The following EIF2AK1 variants were observed in gnomAD, a reference collection of about 807,000 sequenced individuals.
EIF2AK1 encodes eukaryotic translation initiation factor 2 alpha kinase 1.
A neutral mutation model predicts 77.9 loss-of-function variants in EIF2AK1; 54 were observed. That is an observed-to-expected ratio of 0.69 (90% CI 0.56 to 0.87). EIF2AK1 has a LOEUF of 0.87. Ranked by LOEUF, EIF2AK1 falls within the 40% of genes least tolerant of loss-of-function variation. The pLI, the probability that EIF2AK1 is intolerant of heterozygous loss-of-function variation, is 0.00. For synonymous variants in EIF2AK1, 314 were observed against 290.5 expected (o/e 1.08, Z -0.82); for missense variants, 810 against 768.6 (o/e 1.05, Z -0.64).
chr7:6,023,613 G>A lies in EIF2AK1; in HGVS notation c.*1060C>T. 3 of 1,614,218 alleles carry A rather than the reference G, an allele frequency of 1.9e-6. No individual in the cohort carries two copies. Among genetic ancestry groups the A allele is most frequent in the Non-Finnish European group, 2.5e-6 (3 of 1,180,036 alleles). ...AGATCGGAGGCTGCAGTGTGACAGT[G>A]CCAGCCAATGTGCAGAGGTGGATGA... On this transcript the variant is annotated 3_prime_UTR_variant, in exon 15 of 15. Coordinates refer to ENST00000199389, the MANE Select transcript of EIF2AK1 (RefSeq NM_014413.4).
chr7:6,044,907 T>C (rs1583491786), intron 6 of EIF2AK1, among the ~76,000 whole-genome samples: 1 of 152,172 alleles, frequency 6.6e-6, no homozygotes, highest in African/African-American at 2.4e-5. Flanking sequence ...TATTGAGTAA[T>C]GTAAGTGTTC....
At chr7:6,039,642 A>AAT (rs1562749586) in intron 9 of EIF2AK1, among the ~76,000 whole-genome samples, 2 of 146,942 alleles carry the variant, frequency 1.4e-5, no homozygotes, top group Non-Finnish European at 3.0e-5. Context: ...AAAAAAAAAA[A>AAT]GCACAGGCTT....
chr7:6,049,922 C>T lies in EIF2AK1; in HGVS notation c.401G>A (p.Arg134Lys), dbSNP rs55744865. The change falls in exon 3 of 15, where the codon AGA (arginine) becomes AAA (lysine). Residue 134 changes from arginine to lysine, a missense_variant. Transcript: ENST00000199389. ...TTTTTTAGGGCTTACCTGACGAACT[C>T]TCTCTTTAGCAGACCTCATTAAGTG... ...ITHLMRSAKE[R>K]VRQDPCEDIS... is the part of the protein sequence containing the mutation. 1,886 of 1,609,178 alleles carry T rather than the reference C, an allele frequency of 1.2e-3. 21 individuals are homozygous for T. In the African/African-American group the frequency reaches 0.023, roughly 19 times the overall value.
intron 12 of EIF2AK1, 77 bp from the exon 13 acceptor site, chr7:6,028,774 A>G (rs1325468653): frequency 3.4e-6 from 5 of 1,468,068 alleles, no homozygotes; most frequent in Non-Finnish European, 4.7e-6. Context: ...ATGAGGAAGC[A>G]GTGTAGCTCC....
intron 11 of EIF2AK1, 64 bp downstream of exon 11, chr7:6,037,360 A>G (rs1451413065): frequency 1.9e-6 from 2 of 1,040,512 alleles, no homozygotes; most frequent in African/African-American, 1.6e-5. Flanking sequence ...TTAATCAACC[A>G]ACATCAAGTC....
chr7:6,047,413 GCCTGTAAT>G (rs1308709649), intron 4 of EIF2AK1, among the ~76,000 whole-genome samples: 1 of 152,102 alleles, frequency 6.6e-6, no homozygotes, highest in Non-Finnish European at 1.5e-5. Context: ...GGTGGCTCAC[GCCTGTAAT>G]CCCAGCACTT....
chr7:6,056,827 G>A (rs1489575145), intron 1 of EIF2AK1, among the ~76,000 whole-genome samples: 1 of 151,300 alleles, frequency 6.6e-6, no homozygotes, highest in Non-Finnish European at 1.5e-5. Flanking sequence ...GTTTACAGCA[G>A]GGACTTTTCC....
At chr7:6,049,687 C>T in intron 3 of EIF2AK1, 1 of 385,746 alleles carries the variant, frequency 2.6e-6, no homozygotes, top group East Asian at 5.2e-5. Flanking sequence ...AGTGCAGTGG[C>T]ACAACCATGG....
rs34743814 is a variant in EIF2AK1, at chr7:6,041,222, G to GA, written c.792-4dup. Reference sequence around the variant, plus strand: ...CATTTTTAACACCACATTGCTCTCTGAAAAAAAAAAAAATAGTAAACATAA... The same window carrying GA: ...CATTTTTAACACCACATTGCTCTCTGAAAAAAAAAAAAAATAGTAAACATAA... On this transcript the variant is annotated splice_region_variant and splice_polypyrimidine_tract_variant and intron_variant, in intron 8 of 14. Transcript: ENST00000199389. 6,370 of 1,359,244 alleles carry GA rather than the reference G, an allele frequency of 4.7e-3. No individual in the cohort carries two copies. Among genetic ancestry groups the GA allele is most frequent in the Non-Finnish European group, 5.2e-3 (5,198 of 997,318 alleles). 84.2% of individuals were successfully genotyped at this position (1,359,244 alleles called of 1,614,324 possible).
rs778159560 is a variant in EIF2AK1, at chr7:6,023,286, G to C, written c.*1387C>G. 6.4e-7 allele frequency: 1 copy of C among 1,573,498 alleles called. No individual in the cohort carries two copies. Among genetic ancestry groups the C allele is most frequent in the African/African-American group, 1.4e-5 (1 of 73,742 alleles). On this transcript the variant is annotated 3_prime_UTR_variant, in exon 15 of 15. Coordinates refer to ENST00000199389, the MANE Select transcript of EIF2AK1 (RefSeq NM_014413.4). The stretch of plus-strand genomic sequence containing the variant: ...GGCTGCTCTGGTGATGCTACCTGGC[G>C]TGTTTTTTCTTTTCAGTGCCGAAGA...
At chr7:6,057,833 A>G (rs1408900329) in intron 1 of EIF2AK1, among the ~76,000 whole-genome samples, 2 of 152,012 alleles carry the variant, frequency 1.3e-5, no homozygotes, top group Non-Finnish European at 2.9e-5. Flanking sequence ...TTTCACCATG[A>G]TGACCAGGCT....
intron 1 of EIF2AK1, among the ~76,000 whole-genome samples, chr7:6,057,345 G>C (rs1262062899): frequency 2.6e-5 from 4 of 151,790 alleles, no homozygotes; most frequent in Non-Finnish European, 5.9e-5. Context: ...AACTCGGTTT[G>C]CACCTTTATT....
chr7:6,033,696 A>C lies in EIF2AK1; in HGVS notation c.1332+3728T>G, dbSNP rs1020149062. Among the ~76,000 whole-genome samples the C allele has an allele frequency of 1.3e-5, 2 of 151,684 alleles. No homozygotes were observed. Among genetic ancestry groups the C allele is most frequent in the Non-Finnish European group, 3.0e-5 (2 of 67,790 alleles). On this transcript the variant is annotated intron_variant, in intron 11 of 14. Transcript: ENST00000199389. The surrounding 1 kb of genome is among the most constrained non-coding windows in gnomAD (Gnocchi z 4.4). ...GCCATTCTCCTGCCTCAGCCTCCCA[A>C]GTAGCTGGGACTACAGGCGCCTGCC...
At position 6,027,812 on chromosome 7, in the gene EIF2AK1, C is replaced by T; in HGVS notation, c.1530+803G>A. 2.9e-6 allele frequency: 1 copy of T among 339,030 alleles called. No homozygotes were observed. Among genetic ancestry groups the T allele is most frequent in the Non-Finnish European group, 5.8e-6 (1 of 171,370 alleles). The allele number at this position is 339,030 out of a possible 1,614,324, so 21.0% of individuals were successfully genotyped here. ...CAGGCGCAGAGGTTCATGCCTTAAT[C>T]CCAGCACTTTGGGAGGCCAAGGGAG... is the stretch of plus-strand genomic sequence containing the variant. On this transcript the variant is annotated intron_variant, in intron 13 of 14. Coordinates refer to ENST00000199389, the MANE Select transcript of EIF2AK1 (RefSeq NM_014413.4). The surrounding 1 kb of genome is among the most constrained non-coding windows in gnomAD (Gnocchi z 4.5).
chr7:6,048,820 T>C lies in EIF2AK1; in HGVS notation c.436A>G (p.Ile146Val), dbSNP rs147293151. Residue 146 changes from isoleucine (I) to valine (V), a missense_variant, in exon 4 of 15, where the codon ATC becomes GTC. Around this residue, in one of 3 missense-constraint regions of EIF2AK1, gnomAD observed 246 missense variants for 199.0 expected, o/e 1.24. Coordinates refer to ENST00000199389, the MANE Select transcript of EIF2AK1 (RefSeq NM_014413.4). ...TTTCACACATACCTGATTTTCTGGA[T>C]ACGAGAAATATCCTCACAAGGATCC... ...RQDPCEDISR[I>V]QKIRSREVAL... The C allele has an allele frequency of 1.3e-4, 209 of 1,586,224 alleles. No homozygotes were observed. The African/African-American group carries it at 2.6e-3, about 20-fold the overall frequency.
chr7:6,056,613 A>AATATATATTATATATATAT (rs1788777406), intron 1 of EIF2AK1, among the ~76,000 whole-genome samples: 4 of 43,738 alleles, frequency 9.1e-5, no homozygotes, highest in Middle Eastern at 0.015. Flanking sequence ...AAAAAAAAAA[A>AATATATATTATATATATAT]ATATATATAT....
chr7:6,032,949 C>A lies in EIF2AK1; in HGVS notation c.1333-3917G>T, dbSNP rs917753448. ...ACCCAGAAGTCAGGTAAGTTAACTC[C>A]ACCGAAAATCATTTCTTTTTTTTTC... On this transcript the variant is annotated intron_variant, in intron 11 of 14. Coordinates refer to ENST00000199389, the MANE Select transcript of EIF2AK1 (RefSeq NM_014413.4). The surrounding 1 kb of genome is among the most constrained non-coding windows in gnomAD (Gnocchi z 4.3). 1 of 1,541,216 alleles carries A rather than the reference C, an allele frequency of 6.5e-7. No individual in the cohort carries two copies. Among genetic ancestry groups the A allele is most frequent in the Admixed American group, 2.0e-5 (1 of 50,798 alleles).
At chr7:6,050,082 T>C (rs752569565) in intron 2 of EIF2AK1, 37 bp from the exon 3 acceptor site, 2 of 1,558,918 alleles carry the variant, frequency 1.3e-6, no homozygotes, top group South Asian at 2.4e-5. Context: ...ATTAGAAACA[T>C]CTTTAATAAA....
chr7:6,054,799 T>G (rs1278549776), intron 1 of EIF2AK1, 95 bp from the exon 2 acceptor site: 3 of 1,269,410 alleles, frequency 2.4e-6, no homozygotes, highest in Non-Finnish European at 3.3e-6. Flanking sequence ...ATGAAATATT[T>G]AAATGTAAGC....
Sources: allele counts gnomAD v4.1 joint callset (sites outside exome capture counted in the v4.1 genomes callset), GRCh38; gene constraint gnomAD v4.1.1; regional missense constraint gnomAD v4.1.1; non-coding constraint Gnocchi (gnomAD v3.1); transcripts MANE v1.5; gene names NCBI Gene and HGNC (gene_info 2026-07-23, HGNC 2026-07-21).